The following HIPK3 variants were observed in gnomAD, a reference collection of about 807,000 sequenced individuals.
The protein encoded by HIPK3 is homeodomain-interacting protein kinase 3.
Under a neutral mutation model 124.2 loss-of-function variants are expected in HIPK3, and 47 were observed. The observed-to-expected ratio is 0.38, with a 90% CI of 0.30 to 0.48. The LOEUF (loss-of-function observed/expected upper bound fraction) is 0.48, where lower values mean the gene tolerates loss of function less well. HIPK3 is among the 20% of genes least tolerant of loss of function. HIPK3 has a pLI of 0.98. For missense variants in HIPK3, 1,286 were observed against 1,454.3 expected, an observed-to-expected ratio of 0.88 and a Z score of 1.88; for synonymous variants, 482 against 515.2, an observed-to-expected ratio of 0.94 and a Z score of 0.87.
At chr11:33,324,403 G>C (rs1852751167) in intron 2 of HIPK3, among the ~76,000 whole-genome samples, 1 of 152,174 alleles carries the variant, frequency 6.6e-6, no homozygotes, top group Admixed American at 6.5e-5. Context: ...AACTGGGGAG[G>C]ATTTGGTCTT....
intron 1 of HIPK3, among the ~76,000 whole-genome samples, chr11:33,259,298 ATAT>A (rs1850761155): frequency 6.6e-6 from 1 of 152,132 alleles, no homozygotes; most frequent in Admixed American, 6.5e-5. Flanking sequence ...TTTTAATCCT[ATAT>A]TATTTAATTT....
At chr11:33,281,679 T>A (rs908793740) in intron 1 of HIPK3, among the ~76,000 whole-genome samples, 6 of 152,246 alleles carry the variant, frequency 3.9e-5, no homozygotes, top group African/African-American at 1.4e-4. Flanking sequence ...ATATAATTCC[T>A]CTTTTTAATT....
At chr11:33,264,511 A>G (rs968238884) in intron 1 of HIPK3, among the ~76,000 whole-genome samples, 1 of 152,236 alleles carries the variant, frequency 6.6e-6, no homozygotes, top group Admixed American at 6.5e-5. Context: ...TGAAATCAAT[A>G]GAGTATGAGG....
rs1853795926 is a variant in HIPK3, at chr11:33,355,648, G to A, written c.*2080G>A. 1 of 151,906 alleles carries A rather than the reference G, an allele frequency of 6.6e-6. No homozygotes were observed. The highest frequency in any genetic ancestry group is 2.4e-5 in the African/African-American group (1 of 41,408). 9.4% of individuals were successfully genotyped at this position (151,906 alleles called of 1,614,324 possible). ...TTTCTTCACTCCATTAACACAAGCA[G>A]TGTTTTATTTAATAATCATCAATGA... On this transcript the variant is annotated 3_prime_UTR_variant, in exon 17 of 17. Transcript: ENST00000303296.
intron 2 of HIPK3, among the ~76,000 whole-genome samples, chr11:33,317,461 C>G (rs528843399): frequency 3.3e-5 from 5 of 151,788 alleles, no homozygotes; most frequent in African/African-American, 1.2e-4. Flanking sequence ...GAGACGGAGT[C>G]TCCATATATT....
At chr11:33,288,081 A>G (rs1048141489) in intron 2 of HIPK3, among the ~76,000 whole-genome samples, 7 of 152,172 alleles carry the variant, frequency 4.6e-5, no homozygotes, top group South Asian at 2.1e-4. Flanking sequence ...TCAATGCCCA[A>G]AAAGTTTCAG....
chr11:33,292,828 C>T (rs928023490), intron 2 of HIPK3, among the ~76,000 whole-genome samples: 4 of 152,142 alleles, frequency 2.6e-5, no homozygotes, highest in African/African-American at 9.7e-5. Flanking sequence ...CTCCGCGTCC[C>T]GGGTTCACGC....
intron 2 of HIPK3, among the ~76,000 whole-genome samples, chr11:33,310,239 T>C (rs1393341553): frequency 7.3e-6 from 1 of 136,832 alleles, no homozygotes; most frequent in Non-Finnish European, 1.6e-5. Context: ...TGTCTGTCTG[T>C]CTGTCTGTCT....
intron 1 of HIPK3, chr11:33,258,206 C>T (rs1322345343): frequency 1.2e-5 from 4 of 335,620 alleles, no homozygotes; most frequent in South Asian, 1.2e-4. Flanking sequence ...GGGGCCTCGG[C>T]CCCCCCTCCC....
intron 2 of HIPK3, among the ~76,000 whole-genome samples, chr11:33,311,505 G>T (rs968833989): frequency 6.6e-6 from 1 of 152,012 alleles, no homozygotes; most frequent in Non-Finnish European, 1.5e-5. Flanking sequence ...TTTTTCAATA[G>T]ACTATTTTGT....
intron 8 of HIPK3, among the ~76,000 whole-genome samples, chr11:33,342,662 C>T (rs1407213358): frequency 6.6e-6 from 1 of 151,914 alleles, no homozygotes; most frequent in African/African-American, 2.4e-5. Context: ...GCAATTCTGC[C>T]TTAGCCTCCC....
In HIPK3 at chr11:33,346,512, G is replaced by T. The variant is rs564540024; in HGVS notation, c.1898-781G>T. On this transcript the variant is annotated intron_variant, in intron 8 of 16. Transcript: ENST00000303296. ...AATTATGAAGTTGTGATGTATTTCT[G>T]TTTTGGTGACAGGAGCATAAGATTC... Among the ~76,000 whole-genome samples the T allele has an allele frequency of 1.9e-4, 29 of 152,258 alleles. No homozygotes were observed. In the South Asian group the frequency reaches 5.8e-3, roughly 30 times the overall value.
intron 8 of HIPK3, among the ~76,000 whole-genome samples, chr11:33,346,783 A>G (rs777819826): frequency 2.6e-5 from 4 of 152,254 alleles, no homozygotes; most frequent in Non-Finnish European, 5.9e-5. Flanking sequence ...GGGAAGCTTT[A>G]TGATAATTTT....
chr11:33,323,440 A>G (rs555946883), intron 2 of HIPK3, among the ~76,000 whole-genome samples: 2 of 152,246 alleles, frequency 1.3e-5, no homozygotes, highest in South Asian at 2.1e-4. Context: ...ACAGAGTTTT[A>G]CCATGTTGGC....
chr11:33,273,271 G>A (rs1329154163), intron 1 of HIPK3, among the ~76,000 whole-genome samples: 1 of 152,024 alleles, frequency 6.6e-6, no homozygotes, highest in African/African-American at 2.4e-5. Context: ...TTGGGAGGCC[G>A]AGGCGGGCAG....
chr11:33,291,652 G>C (rs1323431468), intron 2 of HIPK3, among the ~76,000 whole-genome samples: 1 of 152,198 alleles, frequency 6.6e-6, no homozygotes, highest in Non-Finnish European at 1.5e-5. Flanking sequence ...GCTCTTAAAC[G>C]TGTAAAAGGC....
intron 2 of HIPK3, among the ~76,000 whole-genome samples, chr11:33,313,835 ATTTTAT>A (rs1242608331): frequency 6.6e-6 from 1 of 151,942 alleles, no homozygotes; most frequent in Non-Finnish European, 1.5e-5. Context: ...TAATGTGTTT[ATTTTAT>A]TTTTATTTAT....
intron 12 of HIPK3, 132 bp from the exon 13 acceptor site, chr11:33,348,390 G>C (rs776324369): frequency 9.9e-7 from 1 of 1,009,052 alleles, no homozygotes; most frequent in African/African-American, 1.6e-5. Flanking sequence ...AAAAACTCAA[G>C]ATCTGTTAGT....
rs76057040 is a variant in HIPK3, at chr11:33,262,092, T to A, written c.-3+4203T>A. ...GGATCCAGCTGCTTAAAAATATATATCTTGCCTAATACTTAAGCACCTTAT... is the reference window on the plus strand; with the variant it reads ...GGATCCAGCTGCTTAAAAATATATAACTTGCCTAATACTTAAGCACCTTAT... On this transcript the variant is annotated intron_variant, in intron 1 of 16. Transcript: ENST00000303296. Among the ~76,000 whole-genome samples, 598 of 152,340 alleles carry A rather than the reference T, an allele frequency of 3.9e-3. 17 individuals carry two copies. The East Asian group carries it at 0.063, about 16-fold the overall frequency.
Sources: gnomAD v4.1 joint callset for allele counts (sites outside exome capture counted in the v4.1 genomes callset) on GRCh38, gnomAD v4.1.1 for gene constraint, MANE v1.5 for transcripts, NCBI Gene and HGNC (gene_info 2026-07-23, HGNC 2026-07-21) for gene names.